MYO5A: variants seen among roughly 807,000 people sequenced by gnomAD.
MYO5A encodes unconventional myosin-Va.
Under a neutral mutation model 249.7 loss-of-function variants are expected in MYO5A, and 98 were observed. The observed-to-expected ratio is 0.39, with a 90% confidence interval of 0.33 to 0.46. The LOEUF (loss-of-function observed/expected upper bound fraction) is 0.46. MYO5A is among the 20% of genes least tolerant of loss of function. MYO5A has a pLI of 0.98. For synonymous variants in MYO5A, 778 were observed against 810.6 expected, an observed-to-expected ratio of 0.96 and a Z score of 0.68; for missense variants, 1,696 against 2,308.8, an observed-to-expected ratio of 0.73 and a Z score of 5.44.
At chr15:52,444,179 CTG>C (rs2075841829) in intron 1 of MYO5A, among the ~76,000 whole-genome samples, 1 of 152,124 alleles carries the variant, frequency 6.6e-6, no homozygotes, top group Non-Finnish European at 1.5e-5. Context: ...TTTTTAGACA[CTG>C]TAGTTATTTA....
At chr15:52,378,958 A>G in intron 18 of MYO5A, among the ~76,000 whole-genome samples, 1 of 151,944 alleles carries the variant, frequency 6.6e-6, no homozygotes, top group East Asian at 1.9e-4. Context: ...GGTCTGCAAG[A>G]CTCTCTGTAA....
intron 1 of MYO5A, among the ~76,000 whole-genome samples, chr15:52,487,553 G>A (rs140765042): frequency 0.016 from 2,459 of 151,958 alleles, 74 homozygotes; most frequent in African/African-American, 0.057. Flanking sequence ...GTGAAACCCC[G>A]TCTCTGCTAA....
intron 31 of MYO5A, among the ~76,000 whole-genome samples, chr15:52,340,774 C>T (rs1404581950): frequency 1.3e-5 from 2 of 151,880 alleles, no homozygotes; most frequent in Non-Finnish European, 2.9e-5. Context: ...TAGCGAAACC[C>T]CATCTCTACT....
rs1358510879 is a variant in MYO5A, at chr15:52,337,940, CTA to C, written c.4240-58_4240-57del. 1.0e-5 allele frequency: 12 copies of C among 1,200,448 alleles called. No individual in the cohort carries two copies. The East Asian group carries it at 2.8e-4, about 28-fold the overall frequency. The allele number at this position is 1,200,448 out of a possible 1,614,324, so 74.4% of individuals were successfully genotyped here. A position where few individuals can be genotyped will look rare whatever the true frequency, so the allele number is the denominator to read the frequency against. ...TTTGTCTGTGTGTTTGAGGGAAATGCTATCTTTCAGCAAAATCAATTTTAAAA... is the reference window on the plus strand; with the variant it reads ...TTTGTCTGTGTGTTTGAGGGAAATGCTCTTTCAGCAAAATCAATTTTAAAA... On this transcript the variant is annotated intron_variant, in intron 32 of 41. Transcript: ENST00000399233.
In MYO5A at chr15:52,459,675, C is replaced by T. The variant is rs181025690; in HGVS notation, c.28-26390G>A. ...GTCATCACGGCCCGCTCTCAATGAGCTGTTGGGTACACCTCCCAGACGGGG... is the reference window on the plus strand; with the variant it reads ...GTCATCACGGCCCGCTCTCAATGAGTTGTTGGGTACACCTCCCAGACGGGG... On this transcript the variant is annotated intron_variant, in intron 1 of 41. Coordinates refer to ENST00000399233, the MANE Select transcript of MYO5A (RefSeq NM_001382347.1). Among the ~76,000 whole-genome samples, 787 of 152,360 alleles carry T rather than the reference C, an allele frequency of 5.2e-3. 6 individuals carry two copies. Among genetic ancestry groups the T allele is most frequent in the African/African-American group, 0.018 (764 of 41,586 alleles).
chr15:52,324,679 G>A (rs1476412006), intron 36 of MYO5A, among the ~76,000 whole-genome samples: 3 of 152,020 alleles, frequency 2.0e-5, no homozygotes, highest in Non-Finnish European at 1.5e-5. Flanking sequence ...TCTTAGTAGC[G>A]GCTTTATGCA....
intron 16 of MYO5A, among the ~76,000 whole-genome samples, chr15:52,380,697 G>A (rs141996223): frequency 6.6e-6 from 1 of 152,238 alleles, no homozygotes; most frequent in East Asian, 1.9e-4. Context: ...AACCCGGGAG[G>A]CAGAGGTTGC....
chr15:52,471,141 G>A (rs1249720158), intron 1 of MYO5A, among the ~76,000 whole-genome samples: 2 of 152,124 alleles, frequency 1.3e-5, no homozygotes, highest in Non-Finnish European at 2.9e-5. Context: ...TGGATTAGCA[G>A]CTTTATAGAT....
intron 37 of MYO5A, among the ~76,000 whole-genome samples, chr15:52,322,434 C>T (rs912540345): frequency 1.3e-5 from 2 of 152,214 alleles, no homozygotes; most frequent in African/African-American, 4.8e-5. Context: ...GGGCCCTCAG[C>T]GGTGCCAGAC....
rs1463305411 is a variant in MYO5A at position 52,452,658 on chromosome 15, ACC to A, written c.28-19375_28-19374del. ...ACACTGACAGGATATTCCCTTTGGGACCATCCTCATTCAGGATGGGCAGCACT... is the reference window on the plus strand; with the variant it reads ...ACACTGACAGGATATTCCCTTTGGGAATCCTCATTCAGGATGGGCAGCACT... On this transcript the variant is annotated intron_variant, in intron 1 of 41. Transcript: ENST00000399233. 1.0e-3 allele frequency among the ~76,000 whole-genome samples: 159 copies of A among 152,094 alleles called. 1 individual carries two copies. The highest frequency in any genetic ancestry group is 3.8e-3 in the African/African-American group (156 of 41,488).
At chr15:52,498,084 GA>G (rs1475904102) in intron 1 of MYO5A, among the ~76,000 whole-genome samples, 4 of 151,686 alleles carry the variant, frequency 2.6e-5, no homozygotes, top group African/African-American at 7.2e-5. Context: ...GTAGAAAAAA[GA>G]AAACAACAAA....
At chr15:52,410,089 G>T (rs17707675) in intron 6 of MYO5A, among the ~76,000 whole-genome samples, 1 of 152,136 alleles carries the variant, frequency 6.6e-6, no homozygotes, top group Non-Finnish European at 1.5e-5. Flanking sequence ...AAGCTTTCCC[G>T]CAAGCACCTG....
At chr15:52,313,931 A>C (rs2037867201) in intron 41 of MYO5A, 83 bp from the exon 42 acceptor site, 1 of 1,515,298 alleles carries the variant, frequency 6.6e-7, no homozygotes, top group Non-Finnish European at 9.1e-7. Context: ...TTCTACCCTC[A>C]AATTCTCAAC....
At chr15:52,490,437 C>A (rs778626585) in intron 1 of MYO5A, among the ~76,000 whole-genome samples, 1 of 152,150 alleles carries the variant, frequency 6.6e-6, no homozygotes, top group East Asian at 1.9e-4. Flanking sequence ...AAAGATGTCA[C>A]GACATGGATG....
intron 40 of MYO5A, among the ~76,000 whole-genome samples, 181 bp from the exon 41 acceptor site, chr15:52,314,384 G>C (rs1049847408): frequency 6.6e-6 from 1 of 152,230 alleles, no homozygotes; most frequent in Non-Finnish European, 1.5e-5. Context: ...TTTTACAAGA[G>C]AATGTATCAA....
rs994421830 is a variant in MYO5A, at chr15:52,311,429, T to C, written c.*2267A>G. 1.3e-5 allele frequency: 2 copies of C among 152,188 alleles called. No individual in the cohort carries two copies. The highest frequency in any genetic ancestry group is 6.5e-5 in the Admixed American group (1 of 15,274). 9.4% of individuals were successfully genotyped at this position (152,188 alleles called of 1,614,324 possible). ...ACTTAATTGTGCATTGAAAACCGCA[T>C]TGACAACCAGGAAAAACTGGGAGAA... On this transcript the variant is annotated 3_prime_UTR_variant, in exon 42 of 42. Coordinates refer to ENST00000399233, the MANE Select transcript of MYO5A (RefSeq NM_001382347.1).
intron 1 of MYO5A, among the ~76,000 whole-genome samples, chr15:52,469,585 G>C (rs972804540): frequency 6.6e-6 from 1 of 152,156 alleles, no homozygotes; most frequent in Non-Finnish European, 1.5e-5. Flanking sequence ...GGCACACTTA[G>C]TGTAACTTTA....
intron 29 of MYO5A, among the ~76,000 whole-genome samples, chr15:52,348,243 T>C (rs1321914099): frequency 6.6e-6 from 1 of 152,170 alleles, no homozygotes; most frequent in Non-Finnish European, 1.5e-5. Flanking sequence ...TGACCAGAAG[T>C]TCTAAAAGGG....
chr15:52,459,189 A>G (rs563177784), intron 1 of MYO5A, among the ~76,000 whole-genome samples: 11 of 47,540 alleles, frequency 2.3e-4, no homozygotes, highest in Admixed American at 2.1e-3. Context: ...TTTATTGATC[A>G]TTCTTGGGTG....
Sources: gnomAD v4.1 joint callset for allele counts (sites outside exome capture counted in the v4.1 genomes callset) on GRCh38, gnomAD v4.1.1 for gene constraint, MANE v1.5 for transcripts, NCBI Gene and HGNC (gene_info 2026-07-23, HGNC 2026-07-21) for gene names.